The following BACH2 variants were observed in gnomAD, a reference collection of about 807,000 sequenced individuals.
BACH2 encodes the protein transcription regulator protein BACH2.
A neutral mutation model predicts 61.8 loss-of-function variants in BACH2; 5 were observed. That is an observed-to-expected ratio of 0.08 (90% CI 0.04 to 0.17). BACH2 has a LOEUF of 0.17. Among genes scored for constraint, BACH2 ranks in the 10% least tolerant of loss-of-function variants. The probability of loss-of-function intolerance (pLI) is 1.00; values close to 1 mark genes in which losing one functional copy is unlikely to be tolerated. For synonymous variants in BACH2, 446 were observed against 440.1 expected, an observed-to-expected ratio of 1.01 and a Z score of -0.17; for missense variants, 824 against 1,091.1, an observed-to-expected ratio of 0.76 and a Z score of 3.45.
chr6:90,025,091 T>C (rs748723660), intron 5 of BACH2, among the ~76,000 whole-genome samples: 1 of 152,106 alleles, frequency 6.6e-6, no homozygotes, highest in South Asian at 2.1e-4. Context: ...TAAACTGTCA[T>C]CTCAAAAAGG....
intron 4 of BACH2, among the ~76,000 whole-genome samples, chr6:90,135,357 C>T (rs1185428016): frequency 6.6e-6 from 1 of 152,146 alleles, no homozygotes; most frequent in Non-Finnish European, 1.5e-5. Flanking sequence ...GCACCAGTAA[C>T]CCTCGGCTAC....
In BACH2 at chr6:90,147,352, ACTC is replaced by A. The variant is rs139995838; in HGVS notation, c.-161-58246_-161-58244del. On this transcript the variant is annotated intron_variant, in intron 4 of 8. Transcript: ENST00000257749. ...TGCTCTTCAGCTGTCCTCTCTCCAA[ACTC>A]CTCAATTAAATTATCTCACGTTTTT... Among the ~76,000 whole-genome samples the A allele has an allele frequency of 7.7e-3, 1,164 of 151,106 alleles. 28 individuals are homozygous for A. The highest frequency in any genetic ancestry group is 0.056 in the East Asian group (287 of 5,130).
intron 1 of BACH2, among the ~76,000 whole-genome samples, chr6:90,295,144 G>A (rs1772299989): frequency 6.6e-6 from 1 of 152,072 alleles, no homozygotes; most frequent in East Asian, 1.9e-4. Flanking sequence ...GGGCGCCCCG[G>A]TCCCTCTCGT....
intron 5 of BACH2, among the ~76,000 whole-genome samples, chr6:90,014,468 A>ATATATATAT (rs1222156456): frequency 3.1e-5 from 1 of 32,306 alleles, no homozygotes; most frequent in African/African-American, 2.1e-4. Flanking sequence ...ATATATATAT[A>ATATATATAT]TTTTTTTTTT....
At chr6:89,960,964 C>T (rs1418173140) in intron 6 of BACH2, among the ~76,000 whole-genome samples, 1 of 152,204 alleles carries the variant, frequency 6.6e-6, no homozygotes, top group Non-Finnish European at 1.5e-5. Context: ...CAAAAGCAAA[C>T]ATTCCATATT....
At chr6:90,028,417 C>G (rs1247142642) in intron 5 of BACH2, among the ~76,000 whole-genome samples, 1 of 152,214 alleles carries the variant, frequency 6.6e-6, no homozygotes, top group African/African-American at 2.4e-5. Flanking sequence ...ATACTCTATC[C>G]TCCCATTACG....
chr6:90,234,896 C>T (rs1189853300), intron 3 of BACH2, among the ~76,000 whole-genome samples: 1 of 152,164 alleles, frequency 6.6e-6, no homozygotes, highest in East Asian at 1.9e-4. Context: ...GCTGGGTGAC[C>T]TTGGGCAAGT....
chr6:89,975,135 G>T (rs1487977985), intron 6 of BACH2, among the ~76,000 whole-genome samples: 1 of 152,188 alleles, frequency 6.6e-6, no homozygotes, highest in Non-Finnish European at 1.5e-5. Flanking sequence ...TGGGCTTCAT[G>T]ATGATGTTTT....
chr6:90,102,143 T>C (rs1445424125), intron 4 of BACH2, among the ~76,000 whole-genome samples: 1 of 152,168 alleles, frequency 6.6e-6, no homozygotes, highest in Non-Finnish European at 1.5e-5. Flanking sequence ...AAAACTTCAC[T>C]ATAAATATAA....
At chr6:90,178,806 T>C (rs1190849655) in intron 4 of BACH2, among the ~76,000 whole-genome samples, 1 of 152,228 alleles carries the variant, frequency 6.6e-6, no homozygotes, top group African/African-American at 2.4e-5. Flanking sequence ...ATTTTGAGAA[T>C]GGCACAGATG....
chr6:89,959,101 A>G (rs1279688466), intron 6 of BACH2, among the ~76,000 whole-genome samples: 9 of 22,128 alleles, frequency 4.1e-4, no homozygotes, highest in Middle Eastern at 0.014. Context: ...ACAAGTGCAC[A>G]CACACACACA....
chr6:90,269,796 T>C (rs768671382), intron 2 of BACH2, among the ~76,000 whole-genome samples: 12 of 152,210 alleles, frequency 7.9e-5, no homozygotes, highest in Non-Finnish European at 1.6e-4. Flanking sequence ...CAGAATAAGC[T>C]GATGGCCCCG....
At chr6:90,281,486 T>G (rs1205415289) in intron 1 of BACH2, among the ~76,000 whole-genome samples, 1 of 152,162 alleles carries the variant, frequency 6.6e-6, no homozygotes, top group Admixed American at 6.5e-5. Flanking sequence ...AAGCCCCCAG[T>G]GAGCCCCTTC....
chr6:90,034,939 T>C (rs900723320), intron 5 of BACH2, among the ~76,000 whole-genome samples: 3 of 152,132 alleles, frequency 2.0e-5, no homozygotes, highest in African/African-American at 7.2e-5. Flanking sequence ...AAAGACAATA[T>C]GTAGGAATAC....
intron 4 of BACH2, among the ~76,000 whole-genome samples, chr6:90,198,361 C>T (rs572952356): frequency 5.9e-5 from 9 of 152,284 alleles, no homozygotes; most frequent in South Asian, 2.1e-4. Context: ...GACTCTCCTC[C>T]GACCTCAGTT....
chr6:90,171,063 A>G (rs923720291), intron 4 of BACH2, among the ~76,000 whole-genome samples: 14 of 152,134 alleles, frequency 9.2e-5, no homozygotes, highest in African/African-American at 2.7e-4. Flanking sequence ...AATAGAAGAC[A>G]GAATAAGTCT....
At chr6:90,196,592 T>C (rs1351684840) in intron 4 of BACH2, among the ~76,000 whole-genome samples, 1 of 152,198 alleles carries the variant, frequency 6.6e-6, no homozygotes, top group Non-Finnish European at 1.5e-5. Flanking sequence ...ATGGGTTGGA[T>C]TTAAGAAATA....
intron 3 of BACH2, among the ~76,000 whole-genome samples, chr6:90,247,896 T>C (rs1770688619): frequency 6.6e-6 from 1 of 152,186 alleles, no homozygotes. Flanking sequence ...CAGACAGCAT[T>C]TCTTAATCTT....
intron 4 of BACH2, among the ~76,000 whole-genome samples, chr6:90,174,914 TAAA>T (rs1286045664): frequency 7.7e-6 from 1 of 129,302 alleles, no homozygotes. Flanking sequence ...GTAGTAAAAC[TAAA>T]AAAAAAAAAG....
Sources: allele counts gnomAD v4.1 joint callset (sites outside exome capture counted in the v4.1 genomes callset), GRCh38; gene constraint gnomAD v4.1.1; transcripts MANE v1.5; gene names NCBI Gene and HGNC (gene_info 2026-07-23, HGNC 2026-07-21).